Variants in SYNE2 observed in about 807,000 individuals in gnomAD.
The protein encoded by SYNE2 is nesprin-2.
SYNE2 carries 431 observed loss-of-function variants against 856.3 expected under a neutral mutation model. The ratio of observed to expected loss-of-function variants is 0.50; its 90% CI spans 0.47 to 0.55. SYNE2 has a LOEUF of 0.55. Among genes scored for constraint, SYNE2 ranks in the 20% least tolerant of loss-of-function variants. The pLI is 0.00. For missense variants in SYNE2, 8,129 were observed against 8,023.2 expected (o/e 1.01, Z -0.50); for synonymous variants, 2,923 against 2,872.3 (o/e 1.02, Z -0.56).
chr14:64,192,379 G>A (rs962574213), intron 99 of SYNE2, among the ~76,000 whole-genome samples: 18 of 152,260 alleles, frequency 1.2e-4, no homozygotes, highest in African/African-American at 4.1e-4. Context: ...AATGTTTCCT[G>A]AAGGTTAGAA....
intron 99 of SYNE2, chr14:64,202,339 C>G (rs2098576730): frequency 8.6e-6 from 6 of 701,362 alleles, no homozygotes; most frequent in South Asian, 7.4e-5. Flanking sequence ...CCAAATACCA[C>G]CAAGTGAACC....
chr14:63,960,546 T>C (rs970933357), intron 8 of SYNE2, among the ~76,000 whole-genome samples: 5 of 152,208 alleles, frequency 3.3e-5, no homozygotes, highest in Non-Finnish European at 5.9e-5. Context: ...CCCACATTTA[T>C]TGGCTCTCTG....
intron 8 of SYNE2, among the ~76,000 whole-genome samples, chr14:63,960,536 C>T (rs192487494): frequency 3.2e-4 from 48 of 152,196 alleles, no homozygotes; most frequent in Non-Finnish European, 5.9e-5. Flanking sequence ...CTGCCTGTGA[C>T]CCACATTTAT....
At position 63,949,932 on chromosome 14, in the gene SYNE2, C is replaced by T. The variant is rs781106587; in HGVS notation, c.516C>T (p.Cys172=). Residue 172 remains cysteine (C), a synonymous_variant, in exon 7 of 116, where the codon TGC becomes TGT. Transcript: ENST00000555002. The part of the protein sequence containing the change: ...SPASSPPAKK[C]SKVQARWQMS... ...CCTCAAGTCCTCCAGCTAAGAAATGCTCTAAAGTGCAAGCAAGATGGCAAA... is the reference window on the plus strand; with the variant it reads ...CCTCAAGTCCTCCAGCTAAGAAATGTTCTAAAGTGCAAGCAAGATGGCAAA... 6.2e-7 allele frequency: 1 copy of T among 1,614,164 alleles called. No homozygotes were observed. Among genetic ancestry groups the T allele is most frequent in the East Asian group, 2.2e-5 (1 of 44,888 alleles).
At chr14:63,908,950 T>A (rs985352581) in intron 1 of SYNE2, 148 bp from the exon 2 acceptor site, 11 of 563,240 alleles carry the variant, frequency 2.0e-5, no homozygotes, top group African/African-American at 1.9e-4. Flanking sequence ...ATAGTTACTT[T>A]GTTCTTCATG....
intron 8 of SYNE2, among the ~76,000 whole-genome samples, chr14:63,955,116 C>T (rs993109605): frequency 6.6e-6 from 1 of 152,172 alleles, no homozygotes; most frequent in Non-Finnish European, 1.5e-5. Flanking sequence ...GAAGCCACAG[C>T]TGAAAGCAAA....
chr14:64,213,909 C>A (rs1241730560), intron 105 of SYNE2, among the ~76,000 whole-genome samples: 1 of 152,154 alleles, frequency 6.6e-6, no homozygotes, highest in African/African-American at 2.4e-5. Flanking sequence ...ATTTCCTTAT[C>A]TCCTAGATAA....
At position 64,053,750 on chromosome 14, in the gene SYNE2, TGAGG is replaced by T; in HGVS notation, c.9744+94_9744+97del. 2.3e-6 allele frequency: 3 copies of T among 1,291,838 alleles called. No homozygotes were observed. In the South Asian group the frequency reaches 4.3e-5, roughly 18 times the overall value. 80.0% of individuals were successfully genotyped at this position (1,291,838 alleles called of 1,614,324 possible). A position where few individuals can be genotyped will look rare whatever the true frequency, so the allele number is the denominator to read the frequency against. ...GGGAGGCCAAGGCTGGCGGATCACT[TGAGG>T]CCAAGTAGAGACCAGCCTGGCCAAC... On this transcript the variant is annotated intron_variant, in intron 48 of 115. Transcript: ENST00000555002.
intron 1 of SYNE2, among the ~76,000 whole-genome samples, chr14:63,781,278 C>CAA (rs60075405): frequency 2.2e-4 from 18 of 80,726 alleles, no homozygotes; most frequent in Admixed American, 6.9e-4. Flanking sequence ...AACTCCAACT[C>CAA]AAAAAAAAAA....
intron 80 of SYNE2, among the ~76,000 whole-genome samples, chr14:64,140,929 G>C (rs531662645): frequency 6.6e-6 from 1 of 151,566 alleles, no homozygotes; most frequent in South Asian, 2.1e-4. Flanking sequence ...TCGTAGCTAT[G>C]ATTACTAACT....
At chr14:63,905,433 A>T (rs1326904101) in intron 1 of SYNE2, among the ~76,000 whole-genome samples, 1 of 152,188 alleles carries the variant, frequency 6.6e-6, no homozygotes, top group Non-Finnish European at 1.5e-5. Flanking sequence ...CTCCTAATCC[A>T]TGGGCATGGA....
At chr14:64,208,598 G>C (rs1352472962) in intron 100 of SYNE2, among the ~76,000 whole-genome samples, 160 bp from the exon 101 acceptor site, 1 of 152,244 alleles carries the variant, frequency 6.6e-6, no homozygotes, top group Non-Finnish European at 1.5e-5. Context: ...GCACAAAGAT[G>C]AGAGGGATTC....
At position 64,225,029 on chromosome 14, in the gene SYNE2, G is replaced by A. The variant is rs967979537; in HGVS notation, c.20500G>A (p.Glu6834Lys). The A allele has an allele frequency of 6.8e-6, 11 of 1,613,852 alleles. No individual in the cohort carries two copies. Among genetic ancestry groups the A allele is most frequent in the African/African-American group, 1.3e-5 (1 of 74,854 alleles). ...AGCAGTGAGAACTACAGAAGGCGAG[G>A]AGGAGACAGAGAGCAGGTAACGGGG... The part of the protein sequence containing the change: ...FRAVRTTEGE[E>K]ETESRVPGST... Residue 6834 changes from glutamate (E) to lysine (K), a missense_variant, in exon 115 of 116, where the codon GAG becomes AAG. Glu to Lys is a moderately conservative substitution (Grantham distance 56, BLOSUM62 1). Transcript: ENST00000555002.
chr14:63,987,916 A>G (rs1566979706), intron 19 of SYNE2, among the ~76,000 whole-genome samples: 1 of 151,792 alleles, frequency 6.6e-6, no homozygotes, highest in Non-Finnish European at 1.5e-5. Flanking sequence ...AACTGTGTGG[A>G]TAATGAGATA....
At chr14:64,029,724 CTT>C (rs2097016204) in intron 43 of SYNE2, among the ~76,000 whole-genome samples, 169 bp from the exon 44 acceptor site, 1 of 152,116 alleles carries the variant, frequency 6.6e-6, no homozygotes, top group Non-Finnish European at 1.5e-5. Context: ...GAGATGGAGA[CTT>C]TGCAGTGAAA....
intron 60 of SYNE2, among the ~76,000 whole-genome samples, chr14:64,092,184 C>T (rs951562075): frequency 3.9e-5 from 6 of 152,196 alleles, no homozygotes; most frequent in South Asian, 2.1e-4. Flanking sequence ...AAGAAAGCCA[C>T]GGTCCTAACT....
At chr14:64,209,169 T>C (rs1405051452) in intron 101 of SYNE2, 15 of 815,208 alleles carry the variant, frequency 1.8e-5, no homozygotes, top group African/African-American at 3.4e-5. Flanking sequence ...GACTGGCCGC[T>C]GTGCTTCCGT....
At chr14:63,806,739 C>T (rs372990599) in intron 1 of SYNE2, among the ~76,000 whole-genome samples, 37 of 151,926 alleles carry the variant, frequency 2.4e-4, no homozygotes, top group African/African-American at 7.2e-4. Flanking sequence ...CTGGCTGTTC[C>T]GAAGTTCTTT....
At chr14:64,197,650 T>A (rs1398238366) in intron 99 of SYNE2, among the ~76,000 whole-genome samples, 1 of 152,220 alleles carries the variant, frequency 6.6e-6, no homozygotes, top group Non-Finnish European at 1.5e-5. Context: ...TTAGACTGAT[T>A]TAGGGCTTTT....
Sources: allele counts gnomAD v4.1 joint callset (sites outside exome capture counted in the v4.1 genomes callset), GRCh38; gene constraint gnomAD v4.1.1; transcripts MANE v1.5; gene names NCBI Gene and HGNC (gene_info 2026-07-23, HGNC 2026-07-21).